The following C10orf53 variants were observed in gnomAD, a reference collection of about 807,000 sequenced individuals.
C10orf53 encodes chromosome 10 open reading frame 53, also known as UPF0728 protein C10orf53.
Under a neutral mutation model 9.4 loss-of-function variants are expected in C10orf53, and 8 were observed. That is an observed-to-expected ratio of 0.85 (90% confidence interval 0.50 to 1.53). The LOEUF (loss-of-function observed/expected upper bound fraction) is 1.53. C10orf53 is among the 40% of genes most tolerant of loss of function. The pLI is 0.00. For missense variants in C10orf53, 117 were observed against 117.8 expected (o/e 0.99, Z 0.03); for synonymous variants, 48 against 46.0 (o/e 1.04, Z -0.18).
At chr10:49,693,997 G>A in intron 2 of C10orf53, 104 bp downstream of exon 2, 2 of 1,529,150 alleles carry the variant, frequency 1.3e-6, no homozygotes, top group Non-Finnish European at 1.8e-6. Flanking sequence ...TTCAAATTGG[G>A]TTTCTTTCTG....
At chr10:49,702,297 G>T (rs1288336700), downstream of C10orf53, among the ~76,000 whole-genome samples, 1 of 152,140 alleles carries the variant, frequency 6.6e-6, no homozygotes, top group African/African-American at 2.4e-5. Context: ...GTGGTTAATT[G>T]TATGTATCCA....
intron 2 of C10orf53, among the ~76,000 whole-genome samples, chr10:49,705,644 C>G (rs191892860): frequency 1.2e-3 from 187 of 152,020 alleles, no homozygotes; most frequent in African/African-American, 4.3e-3. Flanking sequence ...GATCGAAGAC[C>G]TATATGTAAG....
chr10:49,704,951 A>G (rs1840712593), intron 2 of C10orf53, among the ~76,000 whole-genome samples: 1 of 152,228 alleles, frequency 6.6e-6, no homozygotes, highest in African/African-American at 2.4e-5. Context: ...TACTATCTAA[A>G]TCTATTCAAA....
Position 49,694,912 on chromosome 10 carries a change from A to G in C10orf53, c.*310A>G. The G allele has an allele frequency of 8.8e-7, 1 of 1,130,698 alleles. No homozygotes were observed. The highest frequency in any genetic ancestry group is 1.1e-6 in the Non-Finnish European group (1 of 921,742). The allele number at this position is 1,130,698 out of a possible 1,614,324, so 70.0% of individuals were successfully genotyped here. ...AAATGCAATCAAATAACAAGGTGCC[A>G]TTCCTGACTAATAACACATAGTTGC... On this transcript the variant is annotated 3_prime_UTR_variant, in exon 3 of 3. Transcript: ENST00000374111.
intron 1 of C10orf53, among the ~76,000 whole-genome samples, chr10:49,684,900 T>C (rs1201060080): frequency 6.6e-6 from 1 of 152,234 alleles, no homozygotes; most frequent in Non-Finnish European, 1.5e-5. Context: ...TAAATAGAAG[T>C]GCAAAGGTGG....
rs888813239 is a variant in C10orf53 at position 49,697,371 on chromosome 10, G to T, written c.*2769G>T. ...TGCCCAGAAGCAAGAGACACAGCTT[G>T]CTCCCCATCAAAGGCAAAAGTGCCC... On this transcript the variant is annotated 3_prime_UTR_variant, in exon 3 of 3. Coordinates refer to ENST00000374111, the MANE Select transcript of C10orf53 (RefSeq NM_001042427.3). Among the ~76,000 whole-genome samples, 1 of 152,144 alleles carries T rather than the reference G, an allele frequency of 6.6e-6. No individual in the cohort carries two copies. The highest frequency in any genetic ancestry group is 1.5e-5 in the Non-Finnish European group (1 of 68,028).
chr10:49,700,400 T>G (rs1199323801), downstream of C10orf53, among the ~76,000 whole-genome samples: 1 of 152,202 alleles, frequency 6.6e-6, no homozygotes, highest in Non-Finnish European at 1.5e-5. Flanking sequence ...GAAGCTACCT[T>G]CTGTCAGTCA....
At chr10:49,688,807 A>G (rs1590641175) in intron 1 of C10orf53, among the ~76,000 whole-genome samples, 2 of 152,220 alleles carry the variant, frequency 1.3e-5, no homozygotes, top group Admixed American at 6.5e-5. Flanking sequence ...GTCTCAAGAT[A>G]TTCCTCAAAA....
Position 49,694,960 on chromosome 10 carries a change from G to T in C10orf53, c.*358G>T. 9.6e-7 allele frequency: 1 copy of T among 1,037,936 alleles called. No homozygotes were observed. The highest frequency in any genetic ancestry group is 1.2e-6 in the Non-Finnish European group (1 of 862,222). The allele number at this position is 1,037,936 out of a possible 1,614,324, so 64.3% of individuals were successfully genotyped here. On this transcript the variant is annotated 3_prime_UTR_variant, in exon 3 of 3. Transcript: ENST00000374111. ...TGCCAGAAGCATCTGAGATTCCATT[G>T]TTTAGTACTCAAAGTGCTCAGAACA...
chr10:49,699,214 T>TTTTTTTTTTTAA (rs1460560325), downstream of C10orf53, among the ~76,000 whole-genome samples: 1 of 140,172 alleles, frequency 7.1e-6, no homozygotes. Context: ...TTTTTTTTTT[T>TTTTTTTTTTTAA]GACAAGGCCT....
At chr10:49,706,462 TAAGTA>T (rs1840723133) in intron 2 of C10orf53, among the ~76,000 whole-genome samples, 1 of 152,204 alleles carries the variant, frequency 6.6e-6, no homozygotes. Context: ...AACGTCATGC[TAAGTA>T]AAGGAAGACC....
At chr10:49,699,357 A>C (rs1277766305), downstream of C10orf53, among the ~76,000 whole-genome samples, 1 of 150,918 alleles carries the variant, frequency 6.6e-6, no homozygotes, top group Non-Finnish European at 1.5e-5. Context: ...CCATACCCAG[A>C]TACTTTTTCT....
intron 1 of C10orf53, among the ~76,000 whole-genome samples, chr10:49,680,355 T>G (rs541759665): frequency 6.6e-6 from 1 of 152,198 alleles, no homozygotes; most frequent in African/African-American, 2.4e-5. Flanking sequence ...CTAGCCATAA[T>G]GGGAGGGGAG....
chr10:49,682,806 C>T (rs1007417799), intron 1 of C10orf53, among the ~76,000 whole-genome samples: 1 of 152,224 alleles, frequency 6.6e-6, no homozygotes, highest in African/African-American at 2.4e-5. Flanking sequence ...AGAAGCCCAG[C>T]TGGCTTCACC....
At chr10:49,702,217 AAGG>A (rs1840689029), downstream of C10orf53, among the ~76,000 whole-genome samples, 2 of 50,688 alleles carry the variant, frequency 3.9e-5, no homozygotes, top group Non-Finnish European at 1.2e-4. Flanking sequence ...AAAGAAAAGG[AAGG>A]AAGGAAGGGA....
chr10:49,708,272 A>T (rs1399573430), intron 2 of C10orf53: 55 of 1,542,036 alleles, frequency 3.6e-5, no homozygotes, highest in Non-Finnish European at 4.7e-5. Context: ...AGCTATAGGC[A>T]TAGGTGAATA....
At chr10:49,703,210 C>G (rs1374954590) in intron 2 of C10orf53, among the ~76,000 whole-genome samples, 1 of 152,148 alleles carries the variant, frequency 6.6e-6, no homozygotes, top group Admixed American at 6.5e-5. Flanking sequence ...AGAATCTCCA[C>G]TTCATTAATT....
At chr10:49,694,095 C>T (rs1189032810) in intron 2 of C10orf53, 4 of 670,292 alleles carry the variant, frequency 6.0e-6, no homozygotes, top group Non-Finnish European at 7.4e-6. Context: ...TGTGATGCTA[C>T]GAGTTTCCCC....
chr10:49,707,469 G>A (rs77206141), intron 2 of C10orf53, among the ~76,000 whole-genome samples: 1 of 152,178 alleles, frequency 6.6e-6, no homozygotes, highest in African/African-American at 2.4e-5. Flanking sequence ...CCCATATACA[G>A]TGAACCAGGT....
Sources: allele counts gnomAD v4.1 joint callset (sites outside exome capture counted in the v4.1 genomes callset), GRCh38; gene constraint gnomAD v4.1.1; transcripts MANE v1.5; gene names NCBI Gene and HGNC (gene_info 2026-07-23, HGNC 2026-07-21).